The following C20orf173 variants were observed in gnomAD, a reference collection of about 807,000 sequenced individuals.
The protein encoded by C20orf173 is uncharacterized protein C20orf173.
C20orf173 carries 22 observed loss-of-function variants against 26.7 expected under a neutral mutation model. The observed-to-expected ratio is 0.82, with a 90% CI of 0.59 to 1.18. The LOEUF is 1.18. Among genes scored for constraint, C20orf173 ranks in the 50% most tolerant of loss-of-function variants. C20orf173 has a pLI of 0.00. For synonymous variants in C20orf173, 85 were observed against 96.4 expected, an observed-to-expected ratio of 0.88 and a Z score of 0.69; for missense variants, 210 against 250.3, an observed-to-expected ratio of 0.84 and a Z score of 1.09.
chr20:35,524,528 C>G (rs1004141257), downstream of C20orf173, among the ~76,000 whole-genome samples: 7 of 152,088 alleles, frequency 4.6e-5, no homozygotes, highest in Non-Finnish European at 5.9e-5. Flanking sequence ...TCCTCACTTG[C>G]ATTTGCCGCA....
chr20:35,523,343 C>T (rs562861221), downstream of C20orf173: 1 of 152,304 alleles, frequency 6.6e-6, no homozygotes, highest in Non-Finnish European at 1.5e-5. Flanking sequence ...TGATGGTGCC[C>T]CTGGCAGACA....
Position 35,528,613 on chromosome 20 carries a change from C to T in C20orf173, c.489-69G>A, listed in dbSNP as rs1346783756. On this transcript the variant is annotated intron_variant, in intron 3 of 5. Coordinates refer to ENST00000444723, the MANE Select transcript of C20orf173 (RefSeq NM_001145350.2). ...CATCTCAAAGCCCTGGACTTGGGGC[C>T]TGCTTCATCTTGGGAAGGGGAGCAG... is the stretch of plus-strand genomic sequence containing the variant. 1.6e-5 allele frequency: 24 copies of T among 1,546,948 alleles called. No homozygotes were observed. In the East Asian group the frequency reaches 5.4e-4, roughly 35 times the overall value.
downstream of C20orf173, among the ~76,000 whole-genome samples, chr20:35,525,045 CA>C (rs145195276): frequency 0.011 from 1,686 of 151,410 alleles, 29 homozygotes; most frequent in African/African-American, 0.038. Flanking sequence ...GGAGATAAAA[CA>C]TTCTAAGTTT....
downstream of C20orf173, chr20:35,522,670 C>T: frequency 6.5e-6 from 1 of 153,004 alleles, no homozygotes. Context: ...ACCCTGCACC[C>T]ACCTGAGGAC....
downstream of C20orf173, among the ~76,000 whole-genome samples, chr20:35,525,936 A>T (rs985116035): frequency 1.1e-4 from 16 of 152,206 alleles, no homozygotes; most frequent in African/African-American, 3.9e-4. Flanking sequence ...GCCTCACAAC[A>T]TGCTGGGTCT....
intron 2 of C20orf173, 67 bp from the exon 3 acceptor site, chr20:35,528,946 G>C: frequency 6.5e-7 from 1 of 1,542,372 alleles, no homozygotes; most frequent in Non-Finnish European, 8.8e-7. Context: ...GGGTGGGTGA[G>C]ATCTCCATCC....
chr20:35,521,496 A>T (rs73616676), downstream of C20orf173, among the ~76,000 whole-genome samples: 588 of 152,240 alleles, frequency 3.9e-3, 19 homozygotes, highest in East Asian at 0.073. Context: ...CAAGAAGTCC[A>T]GTGCGGGAAT....
rs2064535659 is a variant in C20orf173 at position 35,529,492 on chromosome 20, TC to T, written c.-52+66del. The stretch of plus-strand genomic sequence containing the variant: ...CCTCTGTCCTGTCGGCCTCCACAAC[TC>T]CCCATCCCACCACCTTCCACCTCCT... On this transcript the variant is annotated intron_variant, in intron 1 of 5. Coordinates refer to ENST00000444723, the MANE Select transcript of C20orf173 (RefSeq NM_001145350.2). 25 of 903,270 alleles carry T rather than the reference TC, an allele frequency of 2.8e-5. 1 individual carries two copies. In the South Asian group the frequency reaches 4.1e-4, roughly 15 times the overall value. 56.0% of individuals were successfully genotyped at this position (903,270 alleles called of 1,614,324 possible). A position where few individuals can be genotyped will look rare whatever the true frequency, so the allele number is the denominator to read the frequency against.
downstream of C20orf173, chr20:35,523,409 C>T (rs1341486964): frequency 2.6e-5 from 4 of 152,200 alleles, no homozygotes; most frequent in African/African-American, 7.2e-5. Flanking sequence ...CACAGAAGTC[C>T]CCAGCATCCC....
chr20:35,528,302 G>A lies in C20orf173; in HGVS notation c.583-18C>T. 2 of 1,551,886 alleles carry A rather than the reference G, an allele frequency of 1.3e-6. No individual in the cohort carries two copies. Among genetic ancestry groups the A allele is most frequent in the Middle Eastern group, 1.7e-4 (1 of 5,992 alleles). On this transcript the variant is annotated intron_variant, in intron 4 of 5. Coordinates refer to ENST00000444723, the MANE Select transcript of C20orf173 (RefSeq NM_001145350.2). ...TCCAAAATCTGAGAAAGAATTGGAG[G>A]TGGGGGAGTTTGGGCCACAAGACCT...
At chr20:35,521,269 T>G (rs931405032), downstream of C20orf173, 2 of 152,708 alleles carry the variant, frequency 1.3e-5, no homozygotes, top group African/African-American at 4.8e-5. Flanking sequence ...GGCTTCCTCT[T>G]GGAGCTGGGA....
chr20:35,529,440 G>T lies in C20orf173; in HGVS notation c.-51-16C>A. The T allele has an allele frequency of 1.4e-6, 2 of 1,420,826 alleles. No individual in the cohort carries two copies. The highest frequency in any genetic ancestry group is 2.8e-5 in the South Asian group (2 of 71,074). The allele number at this position is 1,420,826 out of a possible 1,614,324, so 88.0% of individuals were successfully genotyped here. On this transcript the variant is annotated splice_polypyrimidine_tract_variant and intron_variant, in intron 1 of 5. Coordinates refer to ENST00000444723, the MANE Select transcript of C20orf173 (RefSeq NM_001145350.2). ...GCTTCTCTACCTGTAAGGATGAGGGGCTGAGGCCACAGACAGCACCAGCTT... is the reference window on the plus strand; with the variant it reads ...GCTTCTCTACCTGTAAGGATGAGGGTCTGAGGCCACAGACAGCACCAGCTT...
At chr20:35,526,137 C>T (rs996371337), downstream of C20orf173, among the ~76,000 whole-genome samples, 1 of 152,162 alleles carries the variant, frequency 6.6e-6, no homozygotes, top group African/African-American at 2.4e-5. Flanking sequence ...CAAAACATGG[C>T]CAAAGACTAC....
At chr20:35,522,505 G>T (rs910041814), downstream of C20orf173, 7 of 152,644 alleles carry the variant, frequency 4.6e-5, no homozygotes, top group African/African-American at 1.7e-4. Context: ...GGTCCTGAGG[G>T]CTGGCAATCC....
downstream of C20orf173, among the ~76,000 whole-genome samples, chr20:35,524,033 G>T (rs224396): frequency 0.63 from 95,734 of 151,936 alleles, 31,353 homozygotes; most frequent in East Asian, 0.74. Flanking sequence ...TTTTTTTGTG[G>T]TTTTTGTTTG....
Position 35,528,475 on chromosome 20 carries a change from CCA to C in C20orf173, c.556_557del (p.Trp186AspfsTer7). ...MLLRKLSDLV[W>X]TSDALSDKIL... ...CCTTATCACTTAGAGCATCTGAAGTCCACACCAGGTCAGAGAGCTTCCGCAGT... is the reference window on the plus strand; with the variant it reads ...CCTTATCACTTAGAGCATCTGAAGTCCACCAGGTCAGAGAGCTTCCGCAGT... On this transcript the variant is annotated frameshift_variant, in exon 4 of 6. Transcript: ENST00000444723. LOFTEE classifies it high-confidence loss of function. 1 of 1,551,728 alleles carries C rather than the reference CCA, an allele frequency of 6.4e-7. No individual in the cohort carries two copies.
At chr20:35,529,513 C>T in intron 1 of C20orf173, 46 bp downstream of exon 1, 1 of 737,620 alleles carries the variant, frequency 1.4e-6, no homozygotes, top group South Asian at 1.9e-5. Flanking sequence ...CCACCTTCCA[C>T]CTCCTTCCAA....
chr20:35,528,652 T>C, intron 3 of C20orf173, 49 bp downstream of exon 3: 1 of 1,538,910 alleles, frequency 6.5e-7, no homozygotes, highest in African/African-American at 1.4e-5. Flanking sequence ...CTGATGGAAC[T>C]GTGGGGCAGG....
chr20:35,523,153 G>T, downstream of C20orf173: 1 of 152,938 alleles, frequency 6.5e-6, no homozygotes, highest in Non-Finnish European at 1.5e-5. Flanking sequence ...CAGATGAGCA[G>T]TTGCATTTTC....
Sources: gnomAD v4.1 joint callset for allele counts (sites outside exome capture counted in the v4.1 genomes callset) on GRCh38, gnomAD v4.1.1 for gene constraint, MANE v1.5 for transcripts, NCBI Gene and HGNC (gene_info 2026-07-23, HGNC 2026-07-21) for gene names.